ALG9: variants seen among roughly 807,000 people sequenced by gnomAD.
ALG9 encodes the protein ALG9 alpha-1,2-mannosyltransferase, also known as alpha-1,2-mannosyltransferase ALG9.
Under a neutral mutation model 81.8 loss-of-function variants are expected in ALG9, and 55 were observed. The ratio of observed to expected loss-of-function variants is 0.67; its 90% CI spans 0.54 to 0.84. The LOEUF is 0.84. ALG9 is among the 40% of genes least tolerant of loss of function. The pLI is 0.00. For missense variants in ALG9, 629 were observed against 745.0 expected (o/e 0.84, Z 1.81); for synonymous variants, 278 against 274.3 (o/e 1.01, Z -0.13).
intron 14 of ALG9, among the ~76,000 whole-genome samples, chr11:111,797,909 C>T (rs781847171): frequency 3.3e-5 from 5 of 152,150 alleles, no homozygotes; most frequent in Non-Finnish European, 7.3e-5. Context: ...CAGCACAGTC[C>T]CCAACTTGCC....
chr11:111,814,145 A>G (rs1274891696), intron 13 of ALG9, among the ~76,000 whole-genome samples: 1 of 152,244 alleles, frequency 6.6e-6, no homozygotes, highest in African/African-American at 2.4e-5. Flanking sequence ...AAAATAATCA[A>G]TAAATTGTGG....
At chr11:111,776,524 C>G in the ALG9 span, among the ~76,000 whole-genome samples, 2 of 152,060 alleles carry the variant, frequency 1.3e-5, no homozygotes, top group African/African-American at 4.8e-5. Context: ...GGAGGTGGAG[C>G]TTGCAGTGAG....
chr11:111,776,649 A>G, the ALG9 span, among the ~76,000 whole-genome samples: 20 of 152,300 alleles, frequency 1.3e-4, no homozygotes, highest in East Asian at 3.1e-3. Context: ...TCCTAAACCT[A>G]AAACCAGTAC....
chr11:111,853,584 T>C (rs1958170843), intron 7 of ALG9, 65 bp downstream of exon 7: 6 of 1,564,630 alleles, frequency 3.8e-6, no homozygotes, highest in Non-Finnish European at 5.3e-6. Context: ...CTGATGTTCC[T>C]TTTTTCACAT....
chr11:111,856,334 G>A (rs569231018), intron 6 of ALG9, among the ~76,000 whole-genome samples: 3 of 145,004 alleles, frequency 2.1e-5, no homozygotes, highest in East Asian at 2.0e-4. Context: ...GGTTATAACA[G>A]TAAAAAAATG....
At chr11:111,774,320 G>A in the ALG9 span, among the ~76,000 whole-genome samples, 1 of 152,168 alleles carries the variant, frequency 6.6e-6, no homozygotes, top group African/African-American at 2.4e-5. Context: ...AGATTGCGGT[G>A]AGCCGAGATT....
At chr11:111,802,538 T>A (rs1555081362) in intron 14 of ALG9, among the ~76,000 whole-genome samples, 1 of 152,224 alleles carries the variant, frequency 6.6e-6, no homozygotes, top group Non-Finnish European at 1.5e-5. Flanking sequence ...GAATGAGGTA[T>A]CTTACTGCAG....
Position 111,809,664 on chromosome 11 carries a change from C to T in ALG9, c.1712G>A (p.Arg571Lys), listed in dbSNP as rs781926105. ...NKEEWISLAY[R>K]PFLDASRSSK... The stretch of plus-strand genomic sequence containing the variant: ...ATACCTAGAAGCATCAAGGAATGGT[C>T]TATAGGCCAAGCTGATCCATTCTTC... Residue 571 changes from arginine to lysine, a missense_variant, in exon 14 of 15, where the codon AGA (arginine) becomes AAA (lysine). Arg to Lys is a conservative substitution (Grantham distance 26). Coordinates refer to ENST00000616540, the MANE Select transcript of ALG9 (RefSeq NM_024740.2). 4 of 1,614,108 alleles carry T rather than the reference C, an allele frequency of 2.5e-6. No homozygotes were observed. In the South Asian group the frequency reaches 4.4e-5, roughly 18 times the overall value.
chr11:111,871,035 A>C (rs201486359), intron 1 of ALG9: 1 of 1,081,536 alleles, frequency 9.2e-7, no homozygotes, highest in Non-Finnish European at 1.1e-6. Flanking sequence ...GCTGTGAGGA[A>C]CAGCCGTAAA....
chr11:111,818,179 A>G (rs539770913), intron 13 of ALG9, among the ~76,000 whole-genome samples: 2 of 152,256 alleles, frequency 1.3e-5, no homozygotes, highest in South Asian at 2.1e-4. Context: ...AGGAAAGATG[A>G]TAACTTGTGT....
At chr11:111,794,669 T>C (rs533865229) in intron 14 of ALG9, among the ~76,000 whole-genome samples, 136 of 152,072 alleles carry the variant, frequency 8.9e-4, no homozygotes, top group Admixed American at 4.9e-3. Flanking sequence ...CCTATCTATC[T>C]ATCCATCCAT....
At chr11:111,870,975 G>A (rs934702822) in intron 1 of ALG9, 1 of 1,018,906 alleles carries the variant, frequency 9.8e-7, no homozygotes, top group Non-Finnish European at 1.2e-6. Context: ...AGGTGATGGC[G>A]GGTTGGATGG....
At chr11:111,867,445 C>T (rs553145269) in intron 3 of ALG9, among the ~76,000 whole-genome samples, 16 of 151,834 alleles carry the variant, frequency 1.1e-4, no homozygotes, top group African/African-American at 3.9e-4. Flanking sequence ...CAGTGAATAA[C>T]TAAGAATATG....
Position 111,826,391 on chromosome 11 carries a change from TAA to T in ALG9, c.1602+9772_1602+9773del, listed in dbSNP as rs5794766. Among the ~76,000 whole-genome samples, 1,417 of 145,278 alleles carry T rather than the reference TAA, an allele frequency of 9.8e-3. 24 individuals carry two copies. Among genetic ancestry groups the T allele is most frequent in the African/African-American group, 0.034 (1,332 of 39,648 alleles). ...CAAAATAAACAATATATCCAGAGTT[TAA>T]AAAAAAAAAACAAAAAAAAACTTAG... On this transcript the variant is annotated intron_variant, in intron 13 of 14. Transcript: ENST00000616540.
chr11:111,859,418 C>T (rs1959216826), intron 5 of ALG9, among the ~76,000 whole-genome samples: 1 of 151,834 alleles, frequency 6.6e-6, no homozygotes, highest in Admixed American at 6.6e-5. Context: ...AAGAGAATCG[C>T]TTGAACCTTG....
downstream of ALG9, among the ~76,000 whole-genome samples, chr11:111,777,834 CAAGA>C (rs1459835645): frequency 6.6e-6 from 1 of 152,120 alleles, no homozygotes; most frequent in Non-Finnish European, 1.5e-5. Flanking sequence ...AACAGGGAGA[CAAGA>C]AAGAGGTGAG....
chr11:111,856,293 A>G (rs976936447), intron 6 of ALG9, among the ~76,000 whole-genome samples: 5 of 151,006 alleles, frequency 3.3e-5, no homozygotes, highest in East Asian at 3.9e-4. Context: ...AAAAAAAAAA[A>G]AAAGAAAAAA....
chr11:111,769,616 C>CAA, the ALG9 span, among the ~76,000 whole-genome samples: 899 of 131,618 alleles, frequency 6.8e-3, 38 homozygotes, highest in East Asian at 0.13. Context: ...GACCCTGTCT[C>CAA]AAAAAAAAAA....
chr11:111,871,562 T>C lies in ALG9; in HGVS notation c.-80A>G. 6.5e-7 allele frequency: 1 copy of C among 1,532,710 alleles called. No homozygotes were observed. The highest frequency in any genetic ancestry group is 8.7e-7 in the Non-Finnish European group (1 of 1,145,042). 94.9% of individuals were successfully genotyped at this position (1,532,710 alleles called of 1,614,324 possible). On this transcript the variant is annotated 5_prime_UTR_variant, in exon 1 of 15. Transcript: ENST00000616540. ...ACATAGCTTTGGCTGGCAAACGGTG[T>C]CCGCCGAGGGACAAAAGACCTTGAC...
Sources: allele counts gnomAD v4.1 joint callset (sites outside exome capture counted in the v4.1 genomes callset), GRCh38; gene constraint gnomAD v4.1.1; transcripts MANE v1.5; gene names NCBI Gene and HGNC (gene_info 2026-07-23, HGNC 2026-07-21).